The following PCDHA7 variants were observed in gnomAD, a reference collection of about 807,000 sequenced individuals.
The protein encoded by PCDHA7 is protocadherin alpha 7.
In PCDHA7, 37 loss-of-function variants were observed where a neutral mutation model predicts 57.2. That is an observed-to-expected ratio of 0.65 (90% CI 0.50 to 0.85). The LOEUF (loss-of-function observed/expected upper bound fraction) is 0.85. PCDHA7 is among the 40% of genes least tolerant of loss of function. The pLI, the probability that PCDHA7 is intolerant of heterozygous loss-of-function variation, is 0.00. For missense variants in PCDHA7, 1,188 were observed against 1,241.8 expected (o/e 0.96, Z 0.65); for synonymous variants, 553 against 558.8 (o/e 0.99, Z 0.15).
At chr5:140,843,559 G>A in intron 1 of PCDHA7, 1 of 1,595,950 alleles carries the variant, frequency 6.3e-7, no homozygotes, top group Non-Finnish European at 8.6e-7. Flanking sequence ...GTGCGGTGGG[G>A]AGCTGGTCAT....
rs35680913 is a variant in PCDHA7 at position 140,961,887 on chromosome 5, GT to G, written c.2356-17048del. Among the ~76,000 whole-genome samples, 881 of 143,912 alleles carry G rather than the reference GT, an allele frequency of 6.1e-3. 6 individuals carry two copies. The highest frequency in any genetic ancestry group is 0.018 in the African/African-American group (705 of 39,388). The allele number at this position is 143,912 out of a possible 152,430, so 94.4% of individuals were successfully genotyped here. ...ACAGATAATTGACTTACTTACATCA[GT>G]TTTTTTTTTTTTTGAGATGGAGTCT... On this transcript the variant is annotated intron_variant, in intron 1 of 3. Coordinates refer to ENST00000525929, the MANE Select transcript of PCDHA7 (RefSeq NM_018910.3).
chr5:140,853,535 C>G (rs916895928), intron 1 of PCDHA7: 2 of 979,230 alleles, frequency 2.0e-6, no homozygotes, highest in South Asian at 9.5e-5. Context: ...TGTCTCTTTT[C>G]AAGTTGTAAT....
intron 1 of PCDHA7, among the ~76,000 whole-genome samples, chr5:140,977,142 T>C (rs781987643): frequency 6.6e-6 from 1 of 152,236 alleles, no homozygotes; most frequent in Non-Finnish European, 1.5e-5. Context: ...TCAGTCCTGC[T>C]GGAACTGTGC....
intron 1 of PCDHA7, among the ~76,000 whole-genome samples, chr5:140,964,836 T>G (rs1306843318): frequency 1.3e-5 from 2 of 152,148 alleles, no homozygotes; most frequent in African/African-American, 4.8e-5. Flanking sequence ...AATTGCTTCC[T>G]ACTCTGTACC....
intron 1 of PCDHA7, chr5:140,966,542 G>A (rs926112867): frequency 3.7e-5 from 17 of 464,420 alleles, no homozygotes; most frequent in African/African-American, 1.8e-4. Flanking sequence ...GAGCGACTCG[G>A]AGGCGAGCGG....
At chr5:140,885,486 T>C (rs1420709904) in intron 1 of PCDHA7, among the ~76,000 whole-genome samples, 2 of 152,188 alleles carry the variant, frequency 1.3e-5, no homozygotes, top group Non-Finnish European at 2.9e-5. Context: ...TGTCAAGTGT[T>C]CTGTTATCTT....
chr5:140,911,444 C>T (rs13161603), intron 1 of PCDHA7, among the ~76,000 whole-genome samples: 2,752 of 152,248 alleles, frequency 0.018, 47 homozygotes, highest in South Asian at 0.1. Context: ...CCCGCAATTT[C>T]AGCTCTTTCT....
intron 2 of PCDHA7, chr5:140,982,259 G>A (rs2153828072): frequency 2.4e-6 from 2 of 820,856 alleles, no homozygotes; most frequent in South Asian, 4.9e-5. Context: ...GAACATGTGT[G>A]TTCCTGGAAT....
At chr5:140,990,542 C>T (rs2097399330) in intron 3 of PCDHA7, among the ~76,000 whole-genome samples, 1 of 152,180 alleles carries the variant, frequency 6.6e-6, no homozygotes, top group South Asian at 2.1e-4. Context: ...ATCATAGATA[C>T]TGTATTACCC....
intron 1 of PCDHA7, chr5:140,967,032 A>G (rs2096085772): frequency 6.2e-7 from 1 of 1,610,180 alleles, no homozygotes; most frequent in African/African-American, 1.3e-5. Context: ...AGTCCGCGCT[A>G]CCTGGAGCTG....
intron 3 of PCDHA7, among the ~76,000 whole-genome samples, chr5:140,987,254 T>C (rs1358606591): frequency 1.3e-5 from 2 of 151,878 alleles, no homozygotes; most frequent in Non-Finnish European, 1.5e-5. Flanking sequence ...AAAGACATTC[T>C]CAGGAATGGG....
In PCDHA7 at chr5:140,836,144, G is replaced by A. The variant is rs2150253955; in HGVS notation, c.1761G>A (p.Ala587=). The change falls in exon 1 of 4, where the codon GCG becomes GCA. Residue 587 remains alanine, a synonymous_variant. Transcript: ENST00000525929. ...AGCTTGTGCCGCGGTCTGTGGGCGC[G>A]GGCCATGTGGTGGCGAAGGTACGTG... is the stretch of plus-strand genomic sequence containing the variant. ...VRELVPRSVG[A]GHVVAKVRAV... is the part of the protein sequence containing the mutation. The A allele has an allele frequency of 1.5e-5, 25 of 1,613,780 alleles. No individual in the cohort carries two copies. Among genetic ancestry groups the A allele is most frequent in the Non-Finnish European group, 2.1e-5 (25 of 1,179,786 alleles).
At chr5:140,841,739 CTGTT>C (rs1562391277) in intron 1 of PCDHA7, 12 of 1,613,762 alleles carry the variant, frequency 7.4e-6, no homozygotes, top group Middle Eastern at 3.3e-4. Context: ...AGACCAAAAG[CTGTT>C]TGTTTCAGAA....
rs552420407 is a variant in PCDHA7, at chr5:140,883,937, G to A, written c.2355+47199G>A. Reference sequence around the variant, plus strand: ...CGTGACGCTGCAGGTGTTCGTGCTGGACGAGAACGACAACGCTCCGGCGCT... The same window carrying A: ...CGTGACGCTGCAGGTGTTCGTGCTGAACGAGAACGACAACGCTCCGGCGCT... On this transcript the variant is annotated intron_variant, in intron 1 of 3. Transcript: ENST00000525929. The A allele has an allele frequency of 5.6e-6, 9 of 1,613,414 alleles. 1 individual carries two copies. The South Asian group carries it at 9.9e-5, about 18-fold the overall frequency.
intron 1 of PCDHA7, among the ~76,000 whole-genome samples, chr5:140,941,284 TTCTCTTTC>T (rs1330714341): frequency 4.0e-5 from 5 of 124,574 alleles, no homozygotes; most frequent in African/African-American, 1.4e-4. Context: ...CTTCCTTCCT[TTCTCTTTC>T]TTTCTTTCTT....
intron 1 of PCDHA7, among the ~76,000 whole-genome samples, chr5:140,954,014 A>G (rs782347890): frequency 1.3e-5 from 2 of 152,038 alleles, no homozygotes; most frequent in African/African-American, 4.8e-5. Context: ...CAGCTCCCAC[A>G]CATAGTGGGA....
chr5:140,995,372 G>A (rs1363484150), intron 3 of PCDHA7, among the ~76,000 whole-genome samples: 3 of 152,168 alleles, frequency 2.0e-5, no homozygotes, highest in African/African-American at 7.2e-5. Context: ...GATGATTCAC[G>A]TACTGGGCAG....
chr5:140,879,740 T>G (rs1337276853), intron 1 of PCDHA7, among the ~76,000 whole-genome samples: 1 of 152,200 alleles, frequency 6.6e-6, no homozygotes, highest in East Asian at 1.9e-4. Flanking sequence ...ATCAAGGTGT[T>G]GTCAAGGCTA....
At chr5:140,923,304 G>T (rs933906504) in intron 1 of PCDHA7, among the ~76,000 whole-genome samples, 2 of 152,172 alleles carry the variant, frequency 1.3e-5, no homozygotes, top group East Asian at 3.9e-4. Context: ...TGGGCGTGGG[G>T]GCGCTTGGCC....
Sources: gnomAD v4.1 joint callset for allele counts (sites outside exome capture counted in the v4.1 genomes callset) on GRCh38, gnomAD v4.1.1 for gene constraint, MANE v1.5 for transcripts, NCBI Gene and HGNC (gene_info 2026-07-23, HGNC 2026-07-21) for gene names.